The following ENPP6 variants were observed in gnomAD, a reference collection of about 807,000 sequenced individuals.
ENPP6 encodes ectonucleotide pyrophosphatase/phosphodiesterase 6.
In ENPP6, 32 loss-of-function variants were observed where a neutral mutation model predicts 42.0. The ratio of observed to expected loss-of-function variants is 0.76; its 90% CI spans 0.58 to 1.02. The LOEUF is 1.02. Ranked by LOEUF, ENPP6 falls within the 50% of genes least tolerant of loss-of-function variation. The probability of loss-of-function intolerance (pLI) is 0.00; values close to 1 mark genes in which losing one functional copy is unlikely to be tolerated. For missense variants in ENPP6, 552 were observed against 566.8 expected (o/e 0.97, Z 0.27); for synonymous variants, 213 against 216.0 (o/e 0.99, Z 0.12).
intron 1 of ENPP6, among the ~76,000 whole-genome samples, chr4:184,200,121 A>G (rs17487204): frequency 0.24 from 35,993 of 152,186 alleles, 5,379 homozygotes; most frequent in Middle Eastern, 0.34. Context: ...GGCTTAGATG[A>G]TGAGAGCAAA....
Position 184,117,016 on chromosome 4 carries a change from C to G in ENPP6, c.695G>C (p.Arg232Pro). The change falls in exon 5 of 8, where the codon CGC becomes CCC. Residue 232 changes from arginine to proline, a missense_variant. By Grantham distance (103) the Arg-to-Pro change is moderately radical. This residue lies in a region of ENPP6 where 545 missense variants were observed against 546.3 expected (regional missense o/e 1.00). Transcript: ENST00000296741. ...ATCCGAGAAAATAATGACGTTCAGG[C>G]GGTCCTGCAGGCCCCGCTCCTGTGG... is the stretch of plus-strand genomic sequence containing the variant. ...KWIQERGLQD[R>P]LNVIIFSDHG... is the part of the protein sequence containing the mutation. 1 of 1,614,166 alleles carries G rather than the reference C, an allele frequency of 6.2e-7. No homozygotes were observed. The highest frequency in any genetic ancestry group is 2.2e-5 in the East Asian group (1 of 44,884).
intron 1 of ENPP6, among the ~76,000 whole-genome samples, chr4:184,175,398 T>C (rs1737543461): frequency 6.6e-6 from 1 of 152,208 alleles, no homozygotes. Context: ...TAATAATCAC[T>C]GAATGAAAGG....
At chr4:184,092,390 G>A (rs907237279) in intron 7 of ENPP6, among the ~76,000 whole-genome samples, 1 of 152,156 alleles carries the variant, frequency 6.6e-6, no homozygotes, top group Non-Finnish European at 1.5e-5. Context: ...CCATGTGCAG[G>A]CTCTGAGCGA....
At chr4:184,162,972 C>T (rs558434064) in intron 1 of ENPP6, among the ~76,000 whole-genome samples, 5 of 152,194 alleles carry the variant, frequency 3.3e-5, no homozygotes, top group Non-Finnish European at 7.3e-5. Context: ...AGCAAGTGGA[C>T]CTGCCTCTCC....
intron 1 of ENPP6, among the ~76,000 whole-genome samples, chr4:184,214,484 T>A (rs979460909): frequency 6.6e-6 from 1 of 152,190 alleles, no homozygotes; most frequent in African/African-American, 2.4e-5. Flanking sequence ...CAAGGGAGTT[T>A]CCGCTATTTG....
At chr4:184,211,038 A>G (rs1476452567) in intron 1 of ENPP6, among the ~76,000 whole-genome samples, 1 of 150,796 alleles carries the variant, frequency 6.6e-6, no homozygotes, top group Non-Finnish European at 1.5e-5. Flanking sequence ...TTTGAAACCA[A>G]CGAGAACAAA....
intron 1 of ENPP6, chr4:184,204,059 A>C (rs1458962120): frequency 6.6e-6 from 1 of 152,266 alleles, no homozygotes; most frequent in Non-Finnish European, 1.5e-5. Context: ...GTCTGCAGGC[A>C]GCCGCCTTCC....
intron 1 of ENPP6, among the ~76,000 whole-genome samples, chr4:184,154,238 C>T (rs1737115895): frequency 6.6e-6 from 1 of 152,042 alleles, no homozygotes; most frequent in Admixed American, 6.6e-5. Context: ...AACAGAATAG[C>T]GAAAAATAGA....
At chr4:184,191,107 C>T (rs144672672) in intron 1 of ENPP6, among the ~76,000 whole-genome samples, 8 of 152,312 alleles carry the variant, frequency 5.3e-5, no homozygotes, top group East Asian at 3.9e-4. Context: ...GGGAGAGACA[C>T]GTAGATGCCT....
Position 184,097,435 on chromosome 4 carries a change from C to G in ENPP6, c.994-67G>C, listed in dbSNP as rs964700821. 4 of 1,587,686 alleles carry G rather than the reference C, an allele frequency of 2.5e-6. No individual in the cohort carries two copies. The African/African-American group carries it at 4.0e-5, about 16-fold the overall frequency. ...CGTGGCGCTGAGCGGGCATCTGCTC[C>G]AAGCCGCCACTCCACCGGGGGGCGC... On this transcript the variant is annotated intron_variant, in intron 6 of 7. Transcript: ENST00000296741.
At chr4:184,131,556 AT>A (rs1429955500) in intron 2 of ENPP6, among the ~76,000 whole-genome samples, 4 of 145,006 alleles carry the variant, frequency 2.8e-5, no homozygotes, top group Non-Finnish European at 6.0e-5. Flanking sequence ...TACAGATGAG[AT>A]TTCACCATGT....
At position 184,097,473 on chromosome 4, in the gene ENPP6, C is replaced by A. The variant is rs189291010; in HGVS notation, c.994-105G>T. 84 of 1,515,992 alleles carry A rather than the reference C, an allele frequency of 5.5e-5. No individual in the cohort carries two copies. The East Asian group carries it at 1.9e-3, about 35-fold the overall frequency. The allele number at this position is 1,515,992 out of a possible 1,614,324, so 93.9% of individuals were successfully genotyped here. A position where few individuals can be genotyped will look rare whatever the true frequency, so the allele number is the denominator to read the frequency against. On this transcript the variant is annotated intron_variant, in intron 6 of 7. Transcript: ENST00000296741. ...CACCGGGGGGCGCTTTCCTCCTCTG[C>A]GCTCCGACTGACCCAGACTGACCCA...
chr4:184,198,173 G>A (rs1732833523), intron 1 of ENPP6, among the ~76,000 whole-genome samples: 2 of 152,270 alleles, frequency 1.3e-5, no homozygotes, highest in South Asian at 4.1e-4. Context: ...AAACTCCAGA[G>A]CCTTGTAGAA....
intron 1 of ENPP6, among the ~76,000 whole-genome samples, chr4:184,160,144 T>G (rs62340152): frequency 0.04 from 6,042 of 152,312 alleles, 169 homozygotes; most frequent in Non-Finnish European, 0.062. Context: ...ATATAATGAC[T>G]TCTTTTCCTT....
At chr4:184,097,493 G>C in intron 6 of ENPP6, 125 bp from the exon 7 acceptor site, 1 of 1,379,228 alleles carries the variant, frequency 7.3e-7, no homozygotes, top group Non-Finnish European at 9.8e-7. Flanking sequence ...GACCCAGACT[G>C]ACCCAACCTC....
At chr4:184,133,591 G>C (rs1736680420) in intron 2 of ENPP6, among the ~76,000 whole-genome samples, 1 of 151,812 alleles carries the variant, frequency 6.6e-6, no homozygotes, top group African/African-American at 2.4e-5. Context: ...ATCTTCCCCT[G>C]CTCCCCCGAA....
intron 1 of ENPP6, among the ~76,000 whole-genome samples, chr4:184,154,598 C>G (rs1040741783): frequency 6.6e-6 from 1 of 151,984 alleles, no homozygotes; most frequent in Non-Finnish European, 1.5e-5. Context: ...TTCTCCCCAC[C>G]CCTCCCAAAA....
intron 2 of ENPP6, among the ~76,000 whole-genome samples, chr4:184,130,772 T>A (rs1469921833): frequency 6.6e-6 from 1 of 152,040 alleles, no homozygotes; most frequent in Non-Finnish European, 1.5e-5. Context: ...CTTATCTTAA[T>A]GGAACTAACT....
intron 6 of ENPP6, among the ~76,000 whole-genome samples, chr4:184,107,557 A>G (rs12648031): frequency 0.97 from 148,296 of 152,124 alleles, 72,363 homozygotes; most frequent in East Asian, 1. Flanking sequence ...TGGGCAGATC[A>G]CAAGGTCAGG....
Sources: allele counts gnomAD v4.1 joint callset (sites outside exome capture counted in the v4.1 genomes callset), GRCh38; gene constraint gnomAD v4.1.1; regional missense constraint gnomAD v4.1.1; transcripts MANE v1.5; gene names NCBI Gene and HGNC (gene_info 2026-07-23, HGNC 2026-07-21).